The following MKLN1 variants were observed in gnomAD, a reference collection of about 807,000 sequenced individuals.
MKLN1 encodes the protein muskelin.
MKLN1 carries 18 observed loss-of-function variants against 99.0 expected under a neutral mutation model. That is an observed-to-expected ratio of 0.18 (90% CI 0.13 to 0.27). The LOEUF (loss-of-function observed/expected upper bound fraction) is 0.27, where lower values mean the gene tolerates loss of function less well. Among genes scored for constraint, MKLN1 ranks in the 10% least tolerant of loss-of-function variants. The pLI is 1.00. For synonymous variants in MKLN1, 288 were observed against 293.2 expected (o/e 0.98, Z 0.18); for missense variants, 621 against 875.9 (o/e 0.71, Z 3.67).
intron 3 of MKLN1, among the ~76,000 whole-genome samples, chr7:131,217,543 C>T (rs1313829290): frequency 1.4e-5 from 2 of 145,572 alleles, no homozygotes; most frequent in African/African-American, 4.9e-5. Context: ...ACTAAAAATA[C>T]AAAAATTAAC....
intron 2 of MKLN1, among the ~76,000 whole-genome samples, chr7:131,187,272 A>C (rs1244483501): frequency 6.6e-6 from 1 of 151,834 alleles, no homozygotes; most frequent in African/African-American, 2.4e-5. Flanking sequence ...CCTACCGCAC[A>C]GTCAGCCTCT....
chr7:131,446,617 G>A (rs1796026563), intron 12 of MKLN1, among the ~76,000 whole-genome samples: 2 of 152,122 alleles, frequency 1.3e-5, no homozygotes, highest in African/African-American at 2.4e-5. Flanking sequence ...TGGCTCTTTT[G>A]CCAAATGTGG....
intron 3 of MKLN1, among the ~76,000 whole-genome samples, chr7:131,239,735 A>C (rs2116491324): frequency 6.6e-6 from 1 of 152,272 alleles, no homozygotes; most frequent in Non-Finnish European, 1.5e-5. Context: ...CATCCCTGTA[A>C]TTCCAGCACT....
At chr7:131,437,277 A>G (rs936954067) in intron 9 of MKLN1, among the ~76,000 whole-genome samples, 1 of 151,748 alleles carries the variant, frequency 6.6e-6, no homozygotes, top group South Asian at 2.1e-4. Flanking sequence ...CCCTGTGTCC[A>G]AGTGATTAAA....
intron 3 of MKLN1, among the ~76,000 whole-genome samples, chr7:131,293,036 G>T (rs1028862437): frequency 2.0e-4 from 31 of 152,172 alleles, no homozygotes; most frequent in Non-Finnish European, 4.4e-4. Context: ...ACTTACCTCT[G>T]GGCTGGCTTT....
At chr7:131,313,167 T>C (rs1798599806) in intron 3 of MKLN1, among the ~76,000 whole-genome samples, 1 of 152,176 alleles carries the variant, frequency 6.6e-6, no homozygotes, top group African/African-American at 2.4e-5. Flanking sequence ...TTACCAATAA[T>C]TTAAAAACTA....
intron 1 of MKLN1, among the ~76,000 whole-genome samples, chr7:131,328,632 A>C (rs1055153771): frequency 1.3e-5 from 2 of 152,116 alleles, no homozygotes; most frequent in African/African-American, 4.8e-5. Flanking sequence ...AGTGGGAAGG[A>C]GGGACGTTAC....
chr7:131,350,028 CTAACG>C (rs1799674239), intron 1 of MKLN1, among the ~76,000 whole-genome samples: 1 of 152,040 alleles, frequency 6.6e-6, no homozygotes, highest in Admixed American at 6.5e-5. Context: ...GTGATGGTAA[CTAACG>C]ATACTACAAT....
chr7:131,166,645 T>C (rs1796129335), intron 2 of MKLN1, among the ~76,000 whole-genome samples: 1 of 152,234 alleles, frequency 6.6e-6, no homozygotes, highest in African/African-American at 2.4e-5. Context: ...GGGCAGTTCT[T>C]ACACCTTAAT....
chr7:131,236,260 G>T (rs979456876), intron 3 of MKLN1, among the ~76,000 whole-genome samples: 2 of 152,134 alleles, frequency 1.3e-5, no homozygotes, highest in African/African-American at 2.4e-5. Context: ...TTTTTGGTAT[G>T]GTTGTACAGT....
chr7:131,392,157 A>G (rs900546850), intron 4 of MKLN1, among the ~76,000 whole-genome samples: 2 of 152,228 alleles, frequency 1.3e-5, no homozygotes, highest in South Asian at 4.1e-4. Flanking sequence ...TATAGCCACA[A>G]TAACAGCTGT....
chr7:131,487,638 A>G lies in MKLN1; in HGVS notation c.2118A>G (p.Gln706=). Residue 706 remains glutamine, a synonymous_variant, in exon 18 of 18, where the codon CAA becomes CAG. Transcript: ENST00000352689. This position sits in a 1 kb window ranked among gnomAD's most constrained non-coding sequence, Gnocchi z 4.7. Reference sequence around the variant, plus strand: ...CTGATGTGGATCACACCTATGCTCAAAGAACTCAGCTCTTTGACACCTTAG... The same window carrying G: ...CTGATGTGGATCACACCTATGCTCAGAGAACTCAGCTCTTTGACACCTTAG... The part of the protein sequence containing the change: ...GFSDVDHTYA[Q]RTQLFDTLVN... The G allele has an allele frequency of 1.2e-6, 2 of 1,612,884 alleles. No individual in the cohort carries two copies. Among genetic ancestry groups the G allele is most frequent in the Admixed American group, 1.7e-5 (1 of 59,864 alleles).
chr7:131,391,036 T>C (rs536483197), intron 4 of MKLN1, among the ~76,000 whole-genome samples: 39 of 152,258 alleles, frequency 2.6e-4, no homozygotes, highest in Admixed American at 1.7e-3. Flanking sequence ...GTGTATTTGC[T>C]TCCCAACCCT....
At chr7:131,157,478 C>T (rs1079030) in intron 2 of MKLN1, among the ~76,000 whole-genome samples, 66,649 of 152,046 alleles carry the variant, frequency 0.44, 16,307 homozygotes, top group Non-Finnish European at 0.57. Flanking sequence ...ATTTTTCATT[C>T]CTCATCTGTA....
intron 2 of MKLN1, among the ~76,000 whole-genome samples, chr7:131,160,492 AATTATTATTATTATTATTATT>A (rs60725549): frequency 7.2e-6 from 1 of 138,982 alleles, no homozygotes; most frequent in South Asian, 2.3e-4. Flanking sequence ...TATTATTATT[AATTATTATTATTATTATTATT>A]ATTATTATTA....
intron 3 of MKLN1, among the ~76,000 whole-genome samples, chr7:131,281,762 A>G (rs1349225932): frequency 6.6e-6 from 1 of 151,884 alleles, no homozygotes; most frequent in Non-Finnish European, 1.5e-5. Context: ...GCTCACTGCA[A>G]CCTCCAACTT....
chr7:131,276,880 C>G (rs1444039510), intron 3 of MKLN1, among the ~76,000 whole-genome samples: 4 of 152,104 alleles, frequency 2.6e-5, no homozygotes, highest in Middle Eastern at 3.2e-3. Context: ...ATGTGACAAG[C>G]CTAGATGTGG....
At chr7:131,446,297 G>A (rs1796015907) in intron 12 of MKLN1, among the ~76,000 whole-genome samples, 1 of 152,100 alleles carries the variant, frequency 6.6e-6, no homozygotes, top group African/African-American at 2.4e-5. Context: ...TCATGGGATT[G>A]GTAACACCTT....
chr7:131,329,455 A>T (rs888483261), intron 1 of MKLN1, among the ~76,000 whole-genome samples: 1 of 152,338 alleles, frequency 6.6e-6, no homozygotes, highest in Non-Finnish European at 1.5e-5. Flanking sequence ...ATGTGGCCCT[A>T]TGTACTTGAC....
Sources: allele counts gnomAD v4.1 joint callset (sites outside exome capture counted in the v4.1 genomes callset), GRCh38; gene constraint gnomAD v4.1.1; non-coding constraint Gnocchi (gnomAD v3.1); transcripts MANE v1.5; gene names NCBI Gene and HGNC (gene_info 2026-07-23, HGNC 2026-07-21).